Variants in CDH5 observed in about 807,000 individuals in gnomAD.
CDH5 encodes the protein cadherin 5, also known as cadherin-5.
Under a neutral mutation model 62.0 loss-of-function variants are expected in CDH5, and 28 were observed. The ratio of observed to expected loss-of-function variants is 0.45; its 90% CI spans 0.33 to 0.62. CDH5 has a LOEUF of 0.62. Ranked by LOEUF, CDH5 falls within the 20% of genes least tolerant of loss-of-function variation. The pLI, the probability that CDH5 is intolerant of heterozygous loss-of-function variation, is 0.02. For synonymous variants in CDH5, 464 were observed against 445.8 expected, an observed-to-expected ratio of 1.04 and a Z score of -0.52; for missense variants, 940 against 1,065.1, an observed-to-expected ratio of 0.88 and a Z score of 1.63.
chr16:66,370,148 G>A (rs7499662), intron 1 of CDH5, among the ~76,000 whole-genome samples: 26,613 of 152,118 alleles, frequency 0.17, 2,969 homozygotes, highest in Middle Eastern at 0.28. Context: ...TTACAGGCAT[G>A]TGCTACCATG....
At chr16:66,392,035 G>C in intron 6 of CDH5, 101 bp from the exon 7 acceptor site, 4 of 1,405,292 alleles carry the variant, frequency 2.8e-6, no homozygotes, top group Non-Finnish European at 9.9e-7. Flanking sequence ...CTATAAAATG[G>C]GTGTCATCCT....
At chr16:66,392,591 C>G in intron 7 of CDH5, 1 of 605,988 alleles carries the variant, frequency 1.7e-6, no homozygotes, top group Non-Finnish European at 2.9e-6. Context: ...CTAGCATGGT[C>G]CTGGGCATCC....
At chr16:66,387,231 A>T (rs1301349728) in intron 3 of CDH5, 134 bp downstream of exon 3, 4 of 794,564 alleles carry the variant, frequency 5.0e-6, no homozygotes, top group Non-Finnish European at 7.9e-6. Flanking sequence ...CTGTGTTGCC[A>T]CTTTACATGA....
rs766324217 is a variant in CDH5, at chr16:66,402,707, C to T, written c.1893C>T (p.His631=). ...RRRLRKQARA[H]GKSVPEIHEQ... ...GGCTCCGGAAGCAGGCCCGCGCGCA[C>T]GGCAAGAGCGTGCCGGAGATCCACG... Residue 631 remains histidine, a synonymous_variant, in exon 12 of 12, where the codon CAC becomes CAT. Transcript: ENST00000341529. 1.9e-6 allele frequency: 3 copies of T among 1,609,270 alleles called. No individual in the cohort carries two copies. Among genetic ancestry groups the T allele is most frequent in the Non-Finnish European group, 8.5e-7 (1 of 1,179,068 alleles).
rs755516924 is a variant in CDH5, at chr16:66,400,977, G to T, written c.1798G>T (p.Ala600Ser). 6.2e-7 allele frequency: 1 copy of T among 1,613,982 alleles called. No homozygotes were observed. The highest frequency in any genetic ancestry group is 8.5e-7 in the Non-Finnish European group (1 of 1,180,058). Residue 600 changes from alanine to serine, a missense_variant, in exon 11 of 12, where the codon GCA (alanine) becomes TCA (serine). Coordinates refer to ENST00000341529, the MANE Select transcript of CDH5 (RefSeq NM_001795.5). ...MAAQVGVSIQ[A>S]VVAILLCILT... ...CGCCCAGGTGGGCGTGAGCATCCAG[G>T]CAGTGGTAGCCATCTTACTCTGCAT... is the stretch of plus-strand genomic sequence containing the variant.
chr16:66,378,724 A>G (rs1960827886), intron 1 of CDH5, among the ~76,000 whole-genome samples: 1 of 152,162 alleles, frequency 6.6e-6, no homozygotes, highest in East Asian at 1.9e-4. Context: ...TATCCCCTGC[A>G]CTTGCTTCCG....
chr16:66,398,187 AG>A (rs1567468258), intron 9 of CDH5, 81 bp downstream of exon 9: 10 of 1,524,300 alleles, frequency 6.6e-6, no homozygotes, highest in Non-Finnish European at 9.1e-6. Context: ...CAGAGTCAGC[AG>A]GAGTTCCCCT....
In CDH5 at chr16:66,383,563, G is replaced by A. The variant is rs1011762799; in HGVS notation, c.211-3246G>A. 7.9e-5 allele frequency among the ~76,000 whole-genome samples: 12 copies of A among 151,940 alleles called. No individual in the cohort carries two copies. The South Asian group carries it at 1.7e-3, about 21-fold the overall frequency. ...CCTGGTGGGTCCTAACACACTCACC[G>A]AGAGCCCAGTTGGAAGGCCACCATC... On this transcript the variant is annotated intron_variant, in intron 2 of 11. Coordinates refer to ENST00000341529, the MANE Select transcript of CDH5 (RefSeq NM_001795.5).
In CDH5 at chr16:66,379,426, C is replaced by T; in HGVS notation, c.89C>T (p.Pro30Leu). The change falls in exon 2 of 12, where the codon CCT (proline) becomes CTT (leucine). Residue 30 changes from proline to leucine, a missense_variant. Coordinates refer to ENST00000341529, the MANE Select transcript of CDH5 (RefSeq NM_001795.5). ...GCAGTGGCAGCAGCAGGTGCTAACC[C>T]TGCCCAACGGGACACCCACAGCCTG... Reference protein sequence around the residue: ...VAAVAAAGANPAQRDTHSLLP... With the variant: ...VAAVAAAGANLAQRDTHSLLP... 1.2e-6 allele frequency: 2 copies of T among 1,614,238 alleles called. No homozygotes were observed. The highest frequency in any genetic ancestry group is 1.7e-6 in the Non-Finnish European group (2 of 1,180,048).
At chr16:66,386,740 C>T (rs1960989948) in intron 2 of CDH5, 69 bp from the exon 3 acceptor site, 8 of 1,385,770 alleles carry the variant, frequency 5.8e-6, no homozygotes, top group South Asian at 5.4e-5. Context: ...TGTACACACA[C>T]TCTCACTCAC....
intron 1 of CDH5, among the ~76,000 whole-genome samples, chr16:66,378,976 C>T (rs866498841): frequency 6.6e-6 from 1 of 152,142 alleles, no homozygotes; most frequent in Non-Finnish European, 1.5e-5. Flanking sequence ...AGGGAAAGGA[C>T]GCAAACCTTC....
chr16:66,398,560 C>T lies in CDH5; in HGVS notation c.1590C>T (p.His530=), dbSNP rs199816046. The T allele has an allele frequency of 1.3e-4, 188 of 1,469,226 alleles. 1 individual carries two copies. The highest frequency in any genetic ancestry group is 6.9e-4 in the Middle Eastern group (4 of 5,788). 91.0% of individuals were successfully genotyped at this position (1,469,226 alleles called of 1,614,324 possible). A position where few individuals can be genotyped will look rare whatever the true frequency, so the allele number is the denominator to read the frequency against. ...ACAACTTTACCCTCACGGATAATCA[C>T]GGTAGGCATCAAAGTAATCAGTTCA... ...TENNFTLTDN[H]DNTANITVKY... The change falls in exon 10 of 12, where the codon CAC becomes CAT. Residue 530 remains histidine, a splice_region_variant and synonymous_variant. Coordinates refer to ENST00000341529, the MANE Select transcript of CDH5 (RefSeq NM_001795.5).
rs1308153046 is a variant in CDH5 at position 66,390,515 on chromosome 16, G to A, written c.894G>A (p.Leu298=). The change falls in exon 6 of 12, where the codon TTG becomes TTA. Residue 298 remains leucine (L), a synonymous_variant. Transcript: ENST00000341529. ...PQNRMTKYSI[L]RGDYQDAFTI... ...ACCGGATGACCAAGTACAGCATCTT[G>A]CGGGGCGACTACCAGGACGCTTTCA... 6.2e-6 allele frequency: 10 copies of A among 1,614,012 alleles called. No homozygotes were observed. The East Asian group carries it at 1.8e-4, about 29-fold the overall frequency.
At chr16:66,380,182 G>A (rs1428791752) in intron 2 of CDH5, among the ~76,000 whole-genome samples, 3 of 85,120 alleles carry the variant, frequency 3.5e-5, no homozygotes, top group African/African-American at 1.7e-4. Flanking sequence ...TGGTGGTGAT[G>A]ATAAAGGGGT....
At chr16:66,372,678 C>T (rs1439941317) in intron 1 of CDH5, among the ~76,000 whole-genome samples, 4 of 152,166 alleles carry the variant, frequency 2.6e-5, no homozygotes, top group South Asian at 4.1e-4. Flanking sequence ...GCCCCACCCA[C>T]GGTAGATACA....
chr16:66,403,276 C>T lies in CDH5; in HGVS notation c.*107C>T. On this transcript the variant is annotated 3_prime_UTR_variant, in exon 12 of 12. Transcript: ENST00000341529. This position sits in a 1 kb window ranked among gnomAD's most constrained non-coding sequence, Gnocchi z 4.3. ...AAATGGCAGTGACTCCCCAGCCCAG[C>T]ACCCCTTCCTCGTGGGTCCCAGAGA... The T allele has an allele frequency of 9.9e-7, 1 of 1,013,966 alleles. No individual in the cohort carries two copies. Among genetic ancestry groups the T allele is most frequent in the Non-Finnish European group, 1.4e-6 (1 of 701,280 alleles). 62.8% of individuals were successfully genotyped at this position (1,013,966 alleles called of 1,614,324 possible).
chr16:66,401,660 C>G (rs1961283753), intron 11 of CDH5, among the ~76,000 whole-genome samples: 1 of 152,180 alleles, frequency 6.6e-6, no homozygotes, highest in Non-Finnish European at 1.5e-5. Flanking sequence ...GGGAGTGAAG[C>G]TGGGAAGGGA....
rs1283322329 is a variant in CDH5 at position 66,388,364 on chromosome 16, C to A, written c.540C>A (p.Asp180Glu). 2 of 1,613,692 alleles carry A rather than the reference C, an allele frequency of 1.2e-6. No homozygotes were observed. The highest frequency in any genetic ancestry group is 1.3e-5 in the African/African-American group (1 of 74,936). The change falls in exon 4 of 12, where the codon GAC becomes GAA. Residue 180 changes from aspartate (D) to glutamate (E), a missense_variant. By Grantham distance (45) the Asp-to-Glu change is conservative. Coordinates refer to ENST00000341529, the MANE Select transcript of CDH5 (RefSeq NM_001795.5). ...VISVTAVDAD[D>E]PTVGDHASVM... is the part of the protein sequence containing the mutation. ...CTGTGACAGCAGTGGATGCAGACGACCCCACTGTGGGAGACCACGCCTCTG... is the reference window on the plus strand; with the variant it reads ...CTGTGACAGCAGTGGATGCAGACGAACCCACTGTGGGAGACCACGCCTCTG...
chr16:66,398,970 G>A lies in CDH5; in HGVS notation c.1591+409G>A, dbSNP rs554960854. On this transcript the variant is annotated intron_variant, in intron 10 of 11. Transcript: ENST00000341529. ...TCCACGTCGCCTGCAAGGAGCCAGC[G>A]AGGAGTACAGAACAGATGTGAGGAT... is the stretch of plus-strand genomic sequence containing the variant. 8.5e-5 allele frequency among the ~76,000 whole-genome samples: 13 copies of A among 152,314 alleles called. No homozygotes were observed. In the South Asian group the frequency reaches 1.7e-3, roughly 19 times the overall value.
Sources: allele counts gnomAD v4.1 joint callset (sites outside exome capture counted in the v4.1 genomes callset), GRCh38; gene constraint gnomAD v4.1.1; non-coding constraint Gnocchi (gnomAD v3.1); transcripts MANE v1.5; gene names NCBI Gene and HGNC (gene_info 2026-07-23, HGNC 2026-07-21).